FSTL5: variants seen among roughly 807,000 people sequenced by gnomAD.
FSTL5 encodes the protein follistatin-related protein 5.
Under a neutral mutation model 89.1 loss-of-function variants are expected in FSTL5, and 62 were observed. The ratio of observed to expected loss-of-function variants is 0.70; its 90% CI spans 0.57 to 0.86. The LOEUF (loss-of-function observed/expected upper bound fraction) is 0.86. FSTL5 is among the 40% of genes least tolerant of loss of function. The pLI is 0.00. For missense variants in FSTL5, 1,057 were observed against 1,001.6 expected, an observed-to-expected ratio of 1.06 and a Z score of -0.75; for synonymous variants, 383 against 346.2, an observed-to-expected ratio of 1.11 and a Z score of -1.18.
intron 3 of FSTL5, among the ~76,000 whole-genome samples, chr4:161,994,183 G>A (rs1302240645): frequency 6.6e-6 from 1 of 152,048 alleles, no homozygotes; most frequent in Non-Finnish European, 1.5e-5. Context: ...TGCTAATAAT[G>A]GCCTCCAACT....
chr4:161,765,799 A>ATT (rs796552249), intron 5 of FSTL5, among the ~76,000 whole-genome samples: 237 of 143,936 alleles, frequency 1.6e-3, no homozygotes, highest in African/African-American at 4.9e-3. Context: ...TCTAATATGC[A>ATT]TTTTTTTTTT....
At chr4:161,799,791 G>A (rs549292747) in intron 4 of FSTL5, among the ~76,000 whole-genome samples, 6 of 151,662 alleles carry the variant, frequency 4.0e-5, no homozygotes, top group African/African-American at 2.4e-5. Flanking sequence ...AGATAAGTTC[G>A]TGAATGCTGG....
chr4:162,029,337 C>T (rs371176854), intron 3 of FSTL5, among the ~76,000 whole-genome samples: 18 of 152,160 alleles, frequency 1.2e-4, no homozygotes, highest in East Asian at 1.2e-3. Flanking sequence ...AACTGTGTGG[C>T]TTCCCCTTTT....
intron 3 of FSTL5, among the ~76,000 whole-genome samples, chr4:161,986,154 TG>T (rs1735957707): frequency 6.6e-6 from 1 of 152,128 alleles, no homozygotes; most frequent in African/African-American, 2.4e-5. Context: ...TAGAATGTAA[TG>T]GTTTTGAGGG....
intron 2 of FSTL5, among the ~76,000 whole-genome samples, chr4:162,050,186 T>C (rs1738334094): frequency 6.6e-6 from 1 of 151,734 alleles, no homozygotes. Flanking sequence ...TGAAAGGTTT[T>C]TTAAAATGGC....
Position 161,538,244 on chromosome 4 carries a change from T to C in FSTL5, c.1234A>G (p.Thr412Ala), listed in dbSNP as rs1731700276. 1.2e-6 allele frequency: 2 copies of C among 1,613,970 alleles called. No individual in the cohort carries two copies. The highest frequency in any genetic ancestry group is 1.1e-5 in the South Asian group (1 of 91,074). ...NVRYEDTGAY[T>A]CIAKNEAGVD... ...CCTGCTTCATTCTTTGCGATACAAGTGTATGCTCCAGTATCTTCATAGCGC... is the reference window on the plus strand; with the variant it reads ...CCTGCTTCATTCTTTGCGATACAAGCGTATGCTCCAGTATCTTCATAGCGC... Residue 412 changes from threonine (T) to alanine (A), a missense_variant, in exon 10 of 16, where the codon ACT (threonine) becomes GCT (alanine). Transcript: ENST00000306100.
chr4:161,385,725 C>A lies in FSTL5; in HGVS notation c.*22G>T. ...GCAATGTATTGTAAAACGCTTCATT[C>A]AATAATTGTATCGTAGGGTTTTTAG... On this transcript the variant is annotated 3_prime_UTR_variant, in exon 16 of 16. Transcript: ENST00000306100. The A allele has an allele frequency of 6.8e-7, 1 of 1,464,396 alleles. No individual in the cohort carries two copies. The highest frequency in any genetic ancestry group is 1.3e-5 in the South Asian group (1 of 76,708). The allele number at this position is 1,464,396 out of a possible 1,614,324, so 90.7% of individuals were successfully genotyped here.
chr4:162,082,869 A>G (rs190667233), intron 2 of FSTL5, among the ~76,000 whole-genome samples: 32 of 151,456 alleles, frequency 2.1e-4, no homozygotes, highest in Admixed American at 7.9e-4. Flanking sequence ...CACCTGTTCA[A>G]TCTCAATCTC....
At chr4:161,704,289 T>C (rs567555708) in intron 6 of FSTL5, among the ~76,000 whole-genome samples, 1 of 152,220 alleles carries the variant, frequency 6.6e-6, no homozygotes, top group African/African-American at 2.4e-5. Context: ...GAACCAATGT[T>C]CATCTTGCAT....
intron 13 of FSTL5, among the ~76,000 whole-genome samples, chr4:161,473,276 C>G (rs181564516): frequency 6.6e-6 from 1 of 152,178 alleles, no homozygotes; most frequent in East Asian, 1.9e-4. Context: ...TTGTAGAACT[C>G]CCTATTTCTC....
intron 3 of FSTL5, among the ~76,000 whole-genome samples, chr4:162,017,991 G>T (rs2111148712): frequency 6.6e-6 from 1 of 152,154 alleles, no homozygotes; most frequent in South Asian, 2.1e-4. Flanking sequence ...GCCTGACTTT[G>T]TCTGTTCCCC....
intron 6 of FSTL5, among the ~76,000 whole-genome samples, chr4:161,678,629 C>A (rs752379252): frequency 6.6e-6 from 1 of 151,736 alleles, no homozygotes; most frequent in Admixed American, 6.6e-5. Context: ...AAACTGCAAA[C>A]TCAGTGAAGG....
intron 4 of FSTL5, among the ~76,000 whole-genome samples, chr4:161,826,141 CTA>C: frequency 6.6e-6 from 1 of 152,156 alleles, no homozygotes; most frequent in Non-Finnish European, 1.5e-5. Flanking sequence ...ATTGACACAA[CTA>C]TAATTCAGGA....
chr4:161,694,453 T>C (rs776826537), intron 6 of FSTL5, among the ~76,000 whole-genome samples: 2 of 152,128 alleles, frequency 1.3e-5, no homozygotes, highest in African/African-American at 2.4e-5. Flanking sequence ...AATTTCTGTT[T>C]TTTTTATAAT....
At chr4:161,792,625 G>A (rs1309529601) in intron 4 of FSTL5, among the ~76,000 whole-genome samples, 1 of 152,124 alleles carries the variant, frequency 6.6e-6, no homozygotes, top group Non-Finnish European at 1.5e-5. Flanking sequence ...AAGATGAAGG[G>A]AGGCCGGCCT....
At chr4:161,972,438 T>C (rs1735510873) in intron 3 of FSTL5, among the ~76,000 whole-genome samples, 1 of 152,174 alleles carries the variant, frequency 6.6e-6, no homozygotes, top group Non-Finnish European at 1.5e-5. Flanking sequence ...CTGATATCTG[T>C]CTTCTAGCAG....
At chr4:161,610,665 G>C (rs1344245173) in intron 7 of FSTL5, among the ~76,000 whole-genome samples, 1 of 152,114 alleles carries the variant, frequency 6.6e-6, no homozygotes, top group Non-Finnish European at 1.5e-5. Flanking sequence ...CAAATGGAGA[G>C]ATGTTGAAAT....
chr4:161,640,587 A>G (rs1735917737), intron 7 of FSTL5, among the ~76,000 whole-genome samples: 1 of 152,198 alleles, frequency 6.6e-6, no homozygotes, highest in Non-Finnish European at 1.5e-5. Flanking sequence ...GTGAACTTGA[A>G]CCTAAGATAG....
chr4:161,776,061 C>T lies in FSTL5; in HGVS notation c.423G>A (p.Lys141=). The T allele has an allele frequency of 6.6e-7, 1 of 1,504,506 alleles. No homozygotes were observed. The allele number at this position is 1,504,506 out of a possible 1,614,324, so 93.2% of individuals were successfully genotyped here. A position where few individuals can be genotyped will look rare whatever the true frequency, so the allele number is the denominator to read the frequency against. Residue 141 remains lysine (K), a synonymous_variant, in exon 5 of 16, where the codon AAG becomes AAA. Coordinates refer to ENST00000306100, the MANE Select transcript of FSTL5 (RefSeq NM_020116.5). ...EDCFFKGDKC[K]TTEYSKMKNM... is the part of the protein sequence containing the mutation. ...TTTTCATCTTGCTGTATTCAGTAGT[C>T]TTGCACTTATCTCCTGTAACAAAAG...
Sources: allele counts gnomAD v4.1 joint callset (sites outside exome capture counted in the v4.1 genomes callset), GRCh38; gene constraint gnomAD v4.1.1; transcripts MANE v1.5; gene names NCBI Gene and HGNC (gene_info 2026-07-23, HGNC 2026-07-21).